The following GABRB2 variants were observed in gnomAD, a reference collection of about 807,000 sequenced individuals.
GABRB2 encodes gamma-aminobutyric acid receptor subunit beta-2.
In GABRB2, 16 loss-of-function variants were observed where a neutral mutation model predicts 54.7. That is an observed-to-expected ratio of 0.29 (90% CI 0.20 to 0.44). The LOEUF (loss-of-function observed/expected upper bound fraction) is 0.44, where lower values mean the gene tolerates loss of function less well. Ranked by LOEUF, GABRB2 falls within the 20% of genes least tolerant of loss-of-function variation. The pLI is 1.00. For synonymous variants in GABRB2, 244 were observed against 233.8 expected (o/e 1.04, Z -0.40); for missense variants, 355 against 644.0 (o/e 0.55, Z 4.86).
intron 3 of GABRB2, among the ~76,000 whole-genome samples, chr5:161,478,889 T>C (rs1027773833): frequency 5.9e-5 from 9 of 152,084 alleles, no homozygotes; most frequent in Admixed American, 1.3e-4. Flanking sequence ...TAGGTGCTTA[T>C]TTTCATTTTG....
chr5:161,314,949 A>G (rs1195325995), intron 9 of GABRB2, among the ~76,000 whole-genome samples: 1 of 152,178 alleles, frequency 6.6e-6, no homozygotes, highest in Admixed American at 6.6e-5. Context: ...TCTTTGTCTT[A>G]AGATTGAAAA....
intron 5 of GABRB2, among the ~76,000 whole-genome samples, chr5:161,391,914 C>T (rs375588722): frequency 6.6e-6 from 1 of 152,178 alleles, no homozygotes; most frequent in African/African-American, 2.4e-5. Context: ...GTTCCCACAC[C>T]AGGGAGCATT....
At chr5:161,337,092 T>A (rs77661892) in intron 5 of GABRB2, among the ~76,000 whole-genome samples, 1 of 152,280 alleles carries the variant, frequency 6.6e-6, no homozygotes, top group East Asian at 1.9e-4. Flanking sequence ...TAGGTGTAGT[T>A]GGGACTTAAA....
intron 7 of GABRB2, among the ~76,000 whole-genome samples, chr5:161,332,709 T>A (rs1753887547): frequency 6.6e-6 from 1 of 152,166 alleles, no homozygotes; most frequent in African/African-American, 2.4e-5. Flanking sequence ...TTAAACACTA[T>A]CCAATAACGC....
intron 5 of GABRB2, among the ~76,000 whole-genome samples, chr5:161,388,555 T>C (rs532337915): frequency 6.6e-6 from 1 of 152,152 alleles, no homozygotes; most frequent in East Asian, 1.9e-4. Context: ...TTAGCATTAA[T>C]AATCTAATAA....
chr5:161,453,759 T>C (rs1757861718), intron 4 of GABRB2, among the ~76,000 whole-genome samples: 1 of 152,118 alleles, frequency 6.6e-6, no homozygotes, highest in African/African-American at 2.4e-5. Context: ...GCACTTGGCC[T>C]AGCATAGTGG....
At chr5:161,493,295 A>T (rs1259680283) in intron 3 of GABRB2, among the ~76,000 whole-genome samples, 3 of 151,700 alleles carry the variant, frequency 2.0e-5, no homozygotes, top group African/African-American at 7.2e-5. Flanking sequence ...GATACAAATG[A>T]GATGCTTAGA....
At chr5:161,445,470 T>C (rs950945016) in intron 4 of GABRB2, among the ~76,000 whole-genome samples, 1 of 152,066 alleles carries the variant, frequency 6.6e-6, no homozygotes, top group Non-Finnish European at 1.5e-5. Flanking sequence ...AGCAAGGACA[T>C]TCCAAAGTTA....
At chr5:161,346,041 ATGGAATATCCACGCAC>A (rs1370101028) in intron 5 of GABRB2, among the ~76,000 whole-genome samples, 3 of 152,128 alleles carry the variant, frequency 2.0e-5, no homozygotes, top group Non-Finnish European at 4.4e-5. Flanking sequence ...GGCTTGGAAT[ATGGAATATCCACGCAC>A]TTGTGTCAGA....
intron 5 of GABRB2, among the ~76,000 whole-genome samples, chr5:161,401,863 T>G (rs1756202232): frequency 6.6e-6 from 1 of 152,268 alleles, no homozygotes; most frequent in East Asian, 1.9e-4. Flanking sequence ...TATATATTAG[T>G]GTATTCAGCA....
intron 4 of GABRB2, among the ~76,000 whole-genome samples, chr5:161,457,669 A>G (rs541201385): frequency 6.6e-6 from 1 of 151,854 alleles, no homozygotes; most frequent in South Asian, 2.1e-4. Context: ...GATGGTCTTG[A>G]TCTCCTGACC....
chr5:161,410,388 TCTCACACACA>T (rs61519729), intron 5 of GABRB2, among the ~76,000 whole-genome samples: 86,388 of 149,606 alleles, frequency 0.58, 26,411 homozygotes, highest in Non-Finnish European at 0.69. Context: ...TAAACAGAAT[TCTCACACACA>T]CACACACACA....
intron 3 of GABRB2, among the ~76,000 whole-genome samples, chr5:161,531,003 T>A (rs1760443574): frequency 6.6e-6 from 1 of 152,116 alleles, no homozygotes; most frequent in African/African-American, 2.4e-5. Context: ...ACTCAAATAT[T>A]CATTTGGCAA....
intron 3 of GABRB2, among the ~76,000 whole-genome samples, chr5:161,472,232 T>C (rs1361051406): frequency 6.6e-6 from 1 of 151,900 alleles, no homozygotes; most frequent in Non-Finnish European, 1.5e-5. Flanking sequence ...AATTCCAATA[T>C]CACTCAGTCA....
At chr5:161,325,892 C>G (rs1014413335) in intron 9 of GABRB2, among the ~76,000 whole-genome samples, 2 of 151,944 alleles carry the variant, frequency 1.3e-5, no homozygotes, top group Non-Finnish European at 2.9e-5. Flanking sequence ...AAATAAATAA[C>G]AAGAAATCAA....
chr5:161,433,028 T>C (rs538237614), intron 4 of GABRB2, among the ~76,000 whole-genome samples: 1 of 152,268 alleles, frequency 6.6e-6, no homozygotes, highest in South Asian at 2.1e-4. Context: ...CAGGGATGCA[T>C]ACCAATCTGT....
chr5:161,312,944 A>G (rs1757916449), intron 9 of GABRB2, among the ~76,000 whole-genome samples: 1 of 152,230 alleles, frequency 6.6e-6, no homozygotes, highest in South Asian at 2.1e-4. Flanking sequence ...TCTGAAAGAC[A>G]TCATTAGCAG....
chr5:161,488,447 T>C (rs1172123700), intron 3 of GABRB2, among the ~76,000 whole-genome samples: 1 of 151,726 alleles, frequency 6.6e-6, no homozygotes, highest in South Asian at 2.1e-4. Context: ...TACCTCACTT[T>C]AACATGTAGT....
chr5:161,373,386 A>C (rs1320275740), intron 5 of GABRB2, among the ~76,000 whole-genome samples: 1 of 152,198 alleles, frequency 6.6e-6, no homozygotes, highest in Non-Finnish European at 1.5e-5. Flanking sequence ...ACTAAACAAT[A>C]TATAATATGC....
Sources: gnomAD v4.1 joint callset for allele counts (sites outside exome capture counted in the v4.1 genomes callset) on GRCh38, gnomAD v4.1.1 for gene constraint, MANE v1.5 for transcripts, NCBI Gene and HGNC (gene_info 2026-07-23, HGNC 2026-07-21) for gene names.